The following CPT2 variants were observed in gnomAD, a reference collection of about 807,000 sequenced individuals.
CPT2 encodes carnitine palmitoyltransferase 2.
In CPT2, 37 loss-of-function variants were observed where a neutral mutation model predicts 48.6. The observed-to-expected ratio is 0.76, with a 90% CI of 0.59 to 1.00. The LOEUF is 1.00. Among genes scored for constraint, CPT2 ranks in the 50% least tolerant of loss-of-function variants. The pLI is 0.00. For synonymous variants in CPT2, 319 were observed against 326.9 expected (o/e 0.98, Z 0.26); for missense variants, 772 against 825.6 (o/e 0.94, Z 0.80).
At position 53,210,817 on chromosome 1, in the gene CPT2, C is replaced by G. The variant is rs369847007; in HGVS notation, c.1143C>G (p.Leu381=). The stretch of plus-strand genomic sequence containing the variant: ...CTTGGGGTGATGGTGTGGCAGTGCT[C>G]AGATTTTTTAATGAAGTATTTAAAG... ...EHSWGDGVAV[L]RFFNEVFKDS... Residue 381 remains leucine, a synonymous_variant, in exon 4 of 5, where the codon CTC becomes CTG. Transcript: ENST00000371486. 3 of 1,614,020 alleles carry G rather than the reference C, an allele frequency of 1.9e-6. No individual in the cohort carries two copies. In the African/African-American group the frequency reaches 4.0e-5, roughly 22 times the overall value.
rs1030448554 is a variant in CPT2, at chr1:53,211,556, T to C, written c.1645+237T>C. The C allele has an allele frequency of 3.1e-5, 17 of 548,762 alleles. No homozygotes were observed. The African/African-American group carries it at 3.2e-4, about 10-fold the overall frequency. The allele number at this position is 548,762 out of a possible 1,614,324, so 34.0% of individuals were successfully genotyped here. On this transcript the variant is annotated intron_variant, in intron 4 of 4. Transcript: ENST00000371486. ...GGAAATGCATGTGTCTTTGTCCTCA[T>C]TTAAGGTCACTTTCAGCTGTGACGC...
chr1:53,213,460 T>C lies in CPT2; in HGVS notation c.1842T>C (p.Tyr614=), dbSNP rs748596204. ...TCTCTGATGGCTTTGGTGTTGGGTATGCTGTTCATGACAACTGGATAGGCT... is the reference window on the plus strand; with the variant it reads ...TCTCTGATGGCTTTGGTGTTGGGTACGCTGTTCATGACAACTGGATAGGCT... ...PVVSDGFGVG[Y]AVHDNWIGCN... Residue 614 remains tyrosine, a synonymous_variant, in exon 5 of 5, where the codon TAT becomes TAC. Transcript: ENST00000371486. 1 of 1,614,258 alleles carries C rather than the reference T, an allele frequency of 6.2e-7. No individual in the cohort carries two copies. The highest frequency in any genetic ancestry group is 1.7e-5 in the Admixed American group (1 of 60,034).
At chr1:53,202,649 T>C (rs1255679870) in intron 3 of CPT2, 1 of 584,480 alleles carries the variant, frequency 1.7e-6, no homozygotes, top group Non-Finnish European at 3.1e-6. Context: ...GCCAGCCTTC[T>C]CTGTAGATGG....
Position 53,211,094 on chromosome 1 carries a change from G to A in CPT2, c.1420G>A (p.Ala474Thr). Residue 474 changes from alanine to threonine, a missense_variant, in exon 4 of 5, where the codon GCC becomes ACC. Coordinates refer to ENST00000371486, the MANE Select transcript of CPT2 (RefSeq NM_000098.3). ...AGTTGCCCAGCTGGCATTCCAGATG[G>A]CCTTCCTGCGGCAGTACGGGCAGAC... ...DAVAQLAFQM[A>T]FLRQYGQTVA... 9.3e-6 allele frequency: 15 copies of A among 1,614,064 alleles called. No individual in the cohort carries two copies. The highest frequency in any genetic ancestry group is 1.3e-5 in the Non-Finnish European group (15 of 1,179,998).
In CPT2 at chr1:53,209,992, A is replaced by AT. The variant is rs749177082; in HGVS notation, c.341-16dup. The AT allele has an allele frequency of 2.6e-5, 42 of 1,592,688 alleles. No individual in the cohort carries two copies. In the Admixed American group the frequency reaches 5.9e-4, roughly 22 times the overall value. ...AGGGACAGCATTAACATTTTATGTTATTTTTTTCTTTTTATTTTTTAGGAC... is the reference window on the plus strand; with the variant it reads ...AGGGACAGCATTAACATTTTATGTTATTTTTTTTCTTTTTATTTTTTAGGAC... On this transcript the variant is annotated intron_variant, in intron 3 of 4. Transcript: ENST00000371486.
rs77692497 is a variant in CPT2 at position 53,200,386 on chromosome 1, C to T, written c.153-333C>T. ...AACTAAGGGTAGAATTAAATCAGGG[C>T]CAATACAGTGTTAGCACAGGTGTTA... On this transcript the variant is annotated intron_variant, in intron 1 of 4. Transcript: ENST00000371486. The T allele has an allele frequency of 2.3e-3, 587 of 251,192 alleles. 4 individuals carry two copies. Among genetic ancestry groups the T allele is most frequent in the African/African-American group, 0.013 (559 of 44,156 alleles). 15.6% of individuals were successfully genotyped at this position (251,192 alleles called of 1,614,324 possible). A position where few individuals can be genotyped will look rare whatever the true frequency, so the allele number is the denominator to read the frequency against.
chr1:53,202,456 T>G (rs1388652223), intron 3 of CPT2, 27 bp downstream of exon 3: 1 of 1,544,592 alleles, frequency 6.5e-7, no homozygotes, highest in Admixed American at 1.7e-5. Context: ...GTGGGTATGA[T>G]TTCTCCCAGA....
At position 53,210,045 on chromosome 1, in the gene CPT2, G is replaced by T. The variant is rs1131691925; in HGVS notation, c.371G>T (p.Arg124Leu). 1 of 1,613,342 alleles carries T rather than the reference G, an allele frequency of 6.2e-7. No individual in the cohort carries two copies. Among genetic ancestry groups the T allele is most frequent in the Non-Finnish European group, 8.5e-7 (1 of 1,179,818 alleles). Residue 124 changes from arginine to leucine, a missense_variant, in exon 4 of 5, where the codon CGA becomes CTA. By Grantham distance (102) the Arg-to-Leu change is moderately radical. Coordinates refer to ENST00000371486, the MANE Select transcript of CPT2 (RefSeq NM_000098.3). ...GPWFDMYLSA[R>L]DSVVLNFNPF... ...TGGTTTGATATGTACCTATCTGCTC[G>T]AGACTCCGTTGTTCTGAACTTTAAT...
intron 2 of CPT2, chr1:53,201,607 A>G (rs1188489147): frequency 1.3e-5 from 2 of 153,704 alleles, no homozygotes; most frequent in African/African-American, 4.8e-5. Flanking sequence ...CAAATACAGC[A>G]TGGAATTGGA....
At chr1:53,197,189 T>A in intron 1 of CPT2, 94 bp downstream of exon 1, 3 of 1,458,338 alleles carry the variant, frequency 2.1e-6, no homozygotes. Flanking sequence ...AGTGAACCCG[T>A]TTCCGCCCCC....
intron 3 of CPT2, among the ~76,000 whole-genome samples, chr1:53,207,110 G>A (rs1226108340): frequency 1.3e-5 from 2 of 152,180 alleles, no homozygotes; most frequent in Non-Finnish European, 2.9e-5. Flanking sequence ...CTCCTTGCTT[G>A]TTCTCTCTCC....
intron 4 of CPT2, 171 bp from the exon 5 acceptor site, chr1:53,213,093 C>G: frequency 1.6e-6 from 1 of 638,060 alleles, no homozygotes; most frequent in Non-Finnish European, 2.8e-6. Flanking sequence ...TTAAAATAAT[C>G]TAGCTTGAGC....
chr1:53,210,723 G>A lies in CPT2; in HGVS notation c.1049G>A (p.Arg350His), dbSNP rs773966429. Reference sequence around the variant, plus strand: ...ATGCTGCATGGGGATGGCACAAACCGCTGGTTTGATAAATCCTTTAACCTC... The same window carrying A: ...ATGCTGCATGGGGATGGCACAAACCACTGGTTTGATAAATCCTTTAACCTC... The part of the protein sequence containing the change: ...HNMLHGDGTN[R>H]WFDKSFNLII... Residue 350 changes from arginine to histidine, a missense_variant, in exon 4 of 5, where the codon CGC becomes CAC. Arg to His is a conservative substitution (Grantham distance 29, BLOSUM62 0). Transcript: ENST00000371486. 25 of 1,614,034 alleles carry A rather than the reference G, an allele frequency of 1.5e-5. No homozygotes were observed. Among genetic ancestry groups the A allele is most frequent in the Middle Eastern group, 3.3e-4 (2 of 6,084 alleles).
intron 3 of CPT2, chr1:53,204,350 T>TA (rs1645373129): frequency 6.6e-6 from 1 of 152,126 alleles, no homozygotes; most frequent in Non-Finnish European, 1.5e-5. Flanking sequence ...AACCTGTTTT[T>TA]AAAACTCCTG....
At chr1:53,201,031 G>A in intron 2 of CPT2, 1 of 564,918 alleles carries the variant, frequency 1.8e-6, no homozygotes, top group South Asian at 1.9e-5. Context: ...AAGCCAGAAT[G>A]CCAAATGTGT....
Position 53,210,354 on chromosome 1 carries a change from C to G in CPT2, c.680C>G (p.Pro227Arg). The change falls in exon 4 of 5, where the codon CCC (proline) becomes CGC (arginine). Residue 227 changes from proline to arginine, a missense_variant. Coordinates refer to ENST00000371486, the MANE Select transcript of CPT2 (RefSeq NM_000098.3). ...CGGCTTTTCAACTCAACTCGTTTAC[C>G]CAAACCCAGTCGGGATGAACTCTTC... ...YFRLFNSTRL[P>R]KPSRDELFTD... is the part of the protein sequence containing the mutation. 1 of 1,614,108 alleles carries G rather than the reference C, an allele frequency of 6.2e-7. No homozygotes were observed. Among genetic ancestry groups the G allele is most frequent in the Non-Finnish European group, 8.5e-7 (1 of 1,180,026 alleles).
chr1:53,201,926 G>C (rs1645356603), intron 2 of CPT2: 1 of 246,670 alleles, frequency 4.1e-6, no homozygotes, highest in East Asian at 1.0e-4. Context: ...TTGTAAAGTG[G>C]TATTATTATC....
At chr1:53,202,558 C>T (rs1405973924) in intron 3 of CPT2, 129 bp downstream of exon 3, 1 of 758,598 alleles carries the variant, frequency 1.3e-6, no homozygotes, top group Non-Finnish European at 2.4e-6. Context: ...ACGTCTCATC[C>T]TCCCTTCCTG....
At chr1:53,202,173 G>A (rs373323325) in intron 2 of CPT2, 150 bp from the exon 3 acceptor site, 10 of 672,696 alleles carry the variant, frequency 1.5e-5, no homozygotes, top group Non-Finnish European at 2.7e-5. Flanking sequence ...ATTGATTCCT[G>A]TTCTGGTTAG....
Sources: allele counts gnomAD v4.1 joint callset (sites outside exome capture counted in the v4.1 genomes callset), GRCh38; gene constraint gnomAD v4.1.1; transcripts MANE v1.5; gene names NCBI Gene and HGNC (gene_info 2026-07-23, HGNC 2026-07-21).